Variants in POLK observed in about 807,000 individuals in gnomAD.
POLK encodes the protein polymerase (DNA directed) kappa.
A neutral mutation model predicts 94.0 loss-of-function variants in POLK; 76 were observed. The observed-to-expected ratio is 0.81, with a 90% CI of 0.67 to 0.98. POLK has a LOEUF of 0.98. POLK is among the 50% of genes least tolerant of loss of function. The probability of loss-of-function intolerance (pLI) is 0.00; values close to 1 mark genes in which losing one functional copy is unlikely to be tolerated. For missense variants in POLK, 954 were observed against 1,010.1 expected (o/e 0.94, Z 0.75); for synonymous variants, 349 against 325.4 (o/e 1.07, Z -0.78).
exon 13 of POLK, chr5:75,596,903 A>T: frequency 2.5e-6 from 4 of 1,613,648 alleles, no homozygotes; most frequent in Non-Finnish European, 3.4e-6. Flanking sequence ...AAGTCTTTTA[A>T]TATTGAACAC....
At chr5:75,528,913 G>C (rs1052105304) in intron 1 of POLK, among the ~76,000 whole-genome samples, 10 of 152,216 alleles carry the variant, frequency 6.6e-5, no homozygotes, top group Admixed American at 2.6e-4. Flanking sequence ...GGTATCCATG[G>C]GGGATTGGCT....
chr5:75,583,732 A>G (rs181087372), intron 8 of POLK, among the ~76,000 whole-genome samples: 101 of 152,326 alleles, frequency 6.6e-4, no homozygotes, highest in African/African-American at 2.3e-3. Flanking sequence ...TCTTAGTTCT[A>G]AAGTCCAGAT....
chr5:75,558,196 A>C (rs1770740367), intron 3 of POLK, among the ~76,000 whole-genome samples: 1 of 150,870 alleles, frequency 6.6e-6, no homozygotes, highest in Non-Finnish European at 1.5e-5. Flanking sequence ...ATTATCACTT[A>C]CTAGTTCCAG....
chr5:75,574,209 T>C (rs753500992), intron 5 of POLK, among the ~76,000 whole-genome samples: 1 of 152,208 alleles, frequency 6.6e-6, no homozygotes, highest in Non-Finnish European at 1.5e-5. Flanking sequence ...CCACATTTTA[T>C]TTATAACTTA....
intron 1 of POLK, among the ~76,000 whole-genome samples, chr5:75,525,628 G>C (rs1580922154): frequency 6.6e-6 from 1 of 152,136 alleles, no homozygotes; most frequent in African/African-American, 2.4e-5. Context: ...AGAAACAATA[G>C]TAATAGCCAC....
intron 1 of POLK, among the ~76,000 whole-genome samples, chr5:75,538,875 A>G (rs1010600840): frequency 7.9e-5 from 12 of 152,072 alleles, no homozygotes; most frequent in African/African-American, 2.9e-4. Flanking sequence ...AGTTCAAGCA[A>G]TTCTCCTGCC....
intron 11 of POLK, among the ~76,000 whole-genome samples, chr5:75,592,229 G>A (rs1053065907): frequency 6.6e-6 from 1 of 152,152 alleles, no homozygotes; most frequent in Non-Finnish European, 1.5e-5. Context: ...ACATTAAATT[G>A]TTTGGCATAG....
chr5:75,587,155 C>A, intron 10 of POLK, 97 bp downstream of exon 10: 1 of 746,030 alleles, frequency 1.3e-6, no homozygotes, highest in Non-Finnish European at 2.2e-6. Flanking sequence ...AATAAGAAAT[C>A]TATTTGCAAA....
At chr5:75,584,164 C>A (rs1772341961) in intron 8 of POLK, among the ~76,000 whole-genome samples, 1 of 151,988 alleles carries the variant, frequency 6.6e-6, no homozygotes, top group South Asian at 2.1e-4. Flanking sequence ...TGGAATGTAC[C>A]ATTGATGTGT....
At chr5:75,556,891 G>A (rs139768328) in intron 3 of POLK, among the ~76,000 whole-genome samples, 6 of 152,070 alleles carry the variant, frequency 3.9e-5, no homozygotes, top group African/African-American at 1.4e-4. Flanking sequence ...GCGAGACCCT[G>A]CTTCTACAAA....
intron 1 of POLK, among the ~76,000 whole-genome samples, chr5:75,513,941 T>G (rs984845656): frequency 6.6e-6 from 1 of 152,170 alleles, no homozygotes; most frequent in African/African-American, 2.4e-5. Flanking sequence ...TAGGTATCAG[T>G]AGAATCCTCT....
upstream of POLK, chr5:75,510,997 G>A (rs1370945825): frequency 5.2e-6 from 7 of 1,348,632 alleles, no homozygotes; most frequent in Non-Finnish European, 6.8e-6. Context: ...GCAACACTCA[G>A]CCTCGCACCC....
downstream of POLK, among the ~76,000 whole-genome samples, chr5:75,602,598 C>T (rs1773318572): frequency 6.6e-6 from 1 of 152,158 alleles, no homozygotes; most frequent in South Asian, 2.1e-4. Flanking sequence ...GTAACTTTTT[C>T]CTGCCTCACT....
chr5:75,567,565 T>G (rs1771345275), intron 3 of POLK, among the ~76,000 whole-genome samples: 1 of 152,236 alleles, frequency 6.6e-6, no homozygotes, highest in Non-Finnish European at 1.5e-5. Context: ...TGCTATAAAT[T>G]CATTATTTTT....
chr5:75,518,121 A>G (rs1768404725), intron 1 of POLK, among the ~76,000 whole-genome samples: 1 of 152,140 alleles, frequency 6.6e-6, no homozygotes, highest in African/African-American at 2.4e-5. Flanking sequence ...TTTGATATCA[A>G]GGTAATGCTG....
At chr5:75,599,499 G>A (rs1773243308) in exon 15 of POLK, 1 of 152,074 alleles carries the variant, frequency 6.6e-6, no homozygotes. Context: ...CTTAATGCCT[G>A]CTAGCATGCC....
exon 15 of POLK, chr5:75,600,125 C>A (rs1369980066): frequency 6.6e-6 from 1 of 151,964 alleles, no homozygotes; most frequent in East Asian, 1.9e-4. Flanking sequence ...TATAAATGAT[C>A]CCTATGAATC....
chr5:75,595,167 G>A (rs961373644), intron 12 of POLK, among the ~76,000 whole-genome samples: 1 of 144,986 alleles, frequency 6.9e-6, no homozygotes, highest in African/African-American at 2.6e-5. Context: ...CAGGAGAATC[G>A]CTTGAACCCG....
intron 12 of POLK, among the ~76,000 whole-genome samples, chr5:75,595,272 A>AAAAAAAAACAAAC (rs1773015667): frequency 6.7e-6 from 1 of 148,976 alleles, no homozygotes; most frequent in Non-Finnish European, 1.5e-5. Context: ...AAAAAAAAAA[A>AAAAAAAAACAAAC]AGCCCAAGAG....
Sources: gnomAD v4.1 joint callset for allele counts (sites outside exome capture counted in the v4.1 genomes callset) on GRCh38, gnomAD v4.1.1 for gene constraint, MANE v1.5 for transcripts, NCBI Gene and HGNC (gene_info 2026-07-23, HGNC 2026-07-21) for gene names.